IMPG1: variants seen among roughly 807,000 people sequenced by gnomAD.
IMPG1 encodes the protein interphotoreceptor matrix proteoglycan of 150 kDa.
Under a neutral mutation model 92.0 loss-of-function variants are expected in IMPG1, and 85 were observed. The observed-to-expected ratio is 0.92, with a 90% CI of 0.78 to 1.11. IMPG1 has a LOEUF of 1.11. Among genes scored for constraint, IMPG1 ranks in the 50% least tolerant of loss-of-function variants. The pLI is 0.00. For missense variants in IMPG1, 1,022 were observed against 956.0 expected (o/e 1.07, Z -0.91); for synonymous variants, 367 against 334.1 (o/e 1.10, Z -1.08).
intron 7 of IMPG1, among the ~76,000 whole-genome samples, chr6:76,017,098 A>G (rs1783302719): frequency 6.6e-6 from 1 of 152,052 alleles, no homozygotes; most frequent in Non-Finnish European, 1.5e-5. Context: ...CAGCACATGT[A>G]AAGGCTAAAT....
At chr6:75,938,386 G>T (rs966112812) in intron 14 of IMPG1, among the ~76,000 whole-genome samples, 6 of 152,194 alleles carry the variant, frequency 3.9e-5, no homozygotes, top group Non-Finnish European at 8.8e-5. Flanking sequence ...ACCACAAACT[G>T]CTTTCTACCC....
chr6:76,026,439 C>T (rs902931919), intron 4 of IMPG1, among the ~76,000 whole-genome samples: 15 of 152,164 alleles, frequency 9.9e-5, no homozygotes, highest in African/African-American at 3.6e-4. Context: ...TGCTCCTGGG[C>T]CTTTTCATGG....
chr6:75,929,320 C>T (rs1218135178), intron 15 of IMPG1, among the ~76,000 whole-genome samples: 1 of 152,022 alleles, frequency 6.6e-6, no homozygotes, highest in Non-Finnish European at 1.5e-5. Flanking sequence ...TTTTGGATTT[C>T]CCTGATGATA....
chr6:75,970,879 A>T (rs1465608955), intron 12 of IMPG1, among the ~76,000 whole-genome samples: 1 of 152,202 alleles, frequency 6.6e-6, no homozygotes, highest in Non-Finnish European at 1.5e-5. Flanking sequence ...TCATATGTAA[A>T]CTAGTTCAAC....
Position 75,959,032 on chromosome 6 carries a change from C to T in IMPG1, c.1292-7938G>A, listed in dbSNP as rs1002851099. ...TGTGGATTTATCTACCTTTGGTCTTCGATGTTGGTGACATTCAGATGGGGT... is the reference window on the plus strand; with the variant it reads ...TGTGGATTTATCTACCTTTGGTCTTTGATGTTGGTGACATTCAGATGGGGT... On this transcript the variant is annotated intron_variant, in intron 12 of 16. Coordinates refer to ENST00000369950, the MANE Select transcript of IMPG1 (RefSeq NM_001563.4). Among the ~76,000 whole-genome samples the T allele has an allele frequency of 1.4e-4, 22 of 152,026 alleles. 1 individual carries two copies. Among genetic ancestry groups the T allele is most frequent in the South Asian group, 1.0e-3 (5 of 4,824 alleles).
intron 9 of IMPG1, 104 bp downstream of exon 9, chr6:76,007,376 G>C (rs1174606421): frequency 3.0e-5 from 24 of 795,434 alleles, no homozygotes; most frequent in Non-Finnish European, 4.9e-5. Context: ...AAAGTAATGG[G>C]CTTATCCAAG....
At chr6:76,031,424 T>C (rs909102243) in intron 4 of IMPG1, among the ~76,000 whole-genome samples, 1 of 152,202 alleles carries the variant, frequency 6.6e-6, no homozygotes, top group Non-Finnish European at 1.5e-5. Flanking sequence ...TGTTAATGTG[T>C]AATATACAAA....
At chr6:75,954,092 T>C (rs543681399) in intron 12 of IMPG1, among the ~76,000 whole-genome samples, 4 of 152,338 alleles carry the variant, frequency 2.6e-5, no homozygotes, top group South Asian at 4.1e-4. Flanking sequence ...CATGTCTTTA[T>C]AGTAGAATAA....
intron 4 of IMPG1, among the ~76,000 whole-genome samples, chr6:76,026,601 T>G (rs1279103622): frequency 6.6e-6 from 1 of 152,246 alleles, no homozygotes; most frequent in East Asian, 1.9e-4. Context: ...AGCAGCCTTC[T>G]GCTTCCCTGG....
chr6:76,056,996 G>T (rs1309621334), intron 1 of IMPG1, among the ~76,000 whole-genome samples: 2 of 152,060 alleles, frequency 1.3e-5, no homozygotes, highest in Admixed American at 1.3e-4. Context: ...TCCTTTGCAG[G>T]GACATGGATA....
At chr6:76,056,735 T>G (rs1562386756) in intron 1 of IMPG1, among the ~76,000 whole-genome samples, 1 of 152,176 alleles carries the variant, frequency 6.6e-6, no homozygotes. Flanking sequence ...AAGTGTGAGG[T>G]AATAGCTCAT....
intron 12 of IMPG1, among the ~76,000 whole-genome samples, chr6:75,998,663 C>T (rs929188583): frequency 6.6e-6 from 1 of 152,170 alleles, no homozygotes; most frequent in African/African-American, 2.4e-5. Context: ...TAAAGAACTT[C>T]TCTCCTGATA....
At chr6:76,051,469 G>T (rs533987590) in intron 1 of IMPG1, among the ~76,000 whole-genome samples, 49 of 152,290 alleles carry the variant, frequency 3.2e-4, no homozygotes, top group Middle Eastern at 3.4e-3. Flanking sequence ...CCCTCCTACA[G>T]GTAGTTCTCA....
chr6:76,069,189 G>A (rs1459229018), intron 1 of IMPG1, among the ~76,000 whole-genome samples: 1 of 151,980 alleles, frequency 6.6e-6, no homozygotes, highest in Non-Finnish European at 1.5e-5. Flanking sequence ...AATTAAACTG[G>A]ACCAATATCC....
At chr6:75,974,379 CTTTCTTTCTTTCTT>C (rs1562354662) in intron 12 of IMPG1, among the ~76,000 whole-genome samples, 968 of 86,834 alleles carry the variant, frequency 0.011, 7 homozygotes, top group Middle Eastern at 0.036. Context: ...TTCTTTCTTT[CTTTCTTTCTTTCTT>C]TTCTTTCTTT....
intron 12 of IMPG1, among the ~76,000 whole-genome samples, chr6:75,976,546 G>C (rs1046313298): frequency 1.1e-4 from 17 of 148,632 alleles, no homozygotes; most frequent in Admixed American, 6.7e-5. Context: ...GGGCGACAGA[G>C]CGAGACTCTT....
At chr6:75,927,038 G>A (rs1781566460) in intron 15 of IMPG1, among the ~76,000 whole-genome samples, 2 of 152,160 alleles carry the variant, frequency 1.3e-5, no homozygotes, top group Admixed American at 6.5e-5. Flanking sequence ...TTTAGAGAAC[G>A]CTGTTTTCAA....
At chr6:76,068,085 C>T (rs1278469157) in intron 1 of IMPG1, among the ~76,000 whole-genome samples, 1 of 152,024 alleles carries the variant, frequency 6.6e-6, no homozygotes. Flanking sequence ...AACATCGTAC[C>T]GAATGGGGGA....
chr6:76,032,170 G>T (rs187841089), intron 4 of IMPG1, among the ~76,000 whole-genome samples: 1 of 152,308 alleles, frequency 6.6e-6, no homozygotes, highest in East Asian at 1.9e-4. Flanking sequence ...AGGCACAGGA[G>T]TAGATGAAAT....
Sources: gnomAD v4.1 joint callset for allele counts (sites outside exome capture counted in the v4.1 genomes callset) on GRCh38, gnomAD v4.1.1 for gene constraint, MANE v1.5 for transcripts, NCBI Gene and HGNC (gene_info 2026-07-23, HGNC 2026-07-21) for gene names.